Variants in FAT3 observed in about 807,000 individuals in gnomAD.
The protein encoded by FAT3 is FAT atypical cadherin 3, also known as protocadherin Fat 3.
A neutral mutation model predicts 310.2 loss-of-function variants in FAT3; 95 were observed. The ratio of observed to expected loss-of-function variants is 0.31; its 90% CI spans 0.26 to 0.36. The LOEUF (loss-of-function observed/expected upper bound fraction) is 0.36. Among genes scored for constraint, FAT3 ranks in the 10% least tolerant of loss-of-function variants. FAT3 has a pLI of 1.00. For missense variants in FAT3, 5,408 were observed against 5,715.6 expected (o/e 0.95, Z 1.74); for synonymous variants, 2,314 against 2,192.9 (o/e 1.06, Z -1.54).
chr11:92,848,115 A>G (rs1441058259), intron 19 of FAT3, among the ~76,000 whole-genome samples: 3 of 152,136 alleles, frequency 2.0e-5, no homozygotes, highest in Non-Finnish European at 4.4e-5. Flanking sequence ...GTATAGACAA[A>G]TTTGGCCTCA....
intron 4 of FAT3, among the ~76,000 whole-genome samples, chr11:92,755,704 T>G (rs1945973560): frequency 6.6e-6 from 1 of 152,224 alleles, no homozygotes; most frequent in Non-Finnish European, 1.5e-5. Flanking sequence ...TTCTGAAAAT[T>G]GAATCTATCA....
intron 3 of FAT3, among the ~76,000 whole-genome samples, chr11:92,577,390 G>A (rs576806730): frequency 2.2e-4 from 33 of 152,132 alleles, no homozygotes; most frequent in African/African-American, 7.7e-4. Flanking sequence ...TCACAGGTAT[G>A]AGCCACCACA....
intron 3 of FAT3, among the ~76,000 whole-genome samples, chr11:92,532,893 A>G (rs1249096925): frequency 1.3e-5 from 2 of 152,148 alleles, no homozygotes; most frequent in African/African-American, 4.8e-5. Flanking sequence ...AATCCTTGTG[A>G]CCTCAGGTAG....
At chr11:92,777,321 A>G (rs1331051518) in intron 7 of FAT3, among the ~76,000 whole-genome samples, 6 of 152,196 alleles carry the variant, frequency 3.9e-5, no homozygotes, top group Non-Finnish European at 8.8e-5. Flanking sequence ...GTGATTCTGT[A>G]TCTACATGAA....
intron 25 of FAT3, among the ~76,000 whole-genome samples, chr11:92,888,773 C>T (rs1949850736): frequency 1.3e-5 from 2 of 152,196 alleles, no homozygotes; most frequent in South Asian, 4.1e-4. Flanking sequence ...TTCAGAGCAG[C>T]ATGACTGACC....
chr11:92,363,846 C>T (rs1201419215), intron 2 of FAT3, among the ~76,000 whole-genome samples: 1 of 152,120 alleles, frequency 6.6e-6, no homozygotes, highest in African/African-American at 2.4e-5. Flanking sequence ...CTGAGGAGTC[C>T]TGAACACTCC....
intron 3 of FAT3, among the ~76,000 whole-genome samples, chr11:92,602,493 A>G (rs1410345996): frequency 6.6e-6 from 1 of 152,206 alleles, no homozygotes; most frequent in East Asian, 1.9e-4. Context: ...TCAAGATGAC[A>G]GATGATGAGA....
chr11:92,461,371 A>T (rs1002162541), intron 2 of FAT3, among the ~76,000 whole-genome samples: 1 of 152,196 alleles, frequency 6.6e-6, no homozygotes, highest in East Asian at 1.9e-4. Context: ...GGAAGTAATG[A>T]TAGACAAAAT....
rs750370328 is a variant in FAT3, at chr11:92,789,934, T to C, written c.4336-9T>C. 1 of 1,611,476 alleles carries C rather than the reference T, an allele frequency of 6.2e-7. No individual in the cohort carries two copies. Among genetic ancestry groups the C allele is most frequent in the South Asian group, 1.1e-5 (1 of 91,010 alleles). On this transcript the variant is annotated splice_polypyrimidine_tract_variant and intron_variant, in intron 7 of 27. Transcript: ENST00000525166. ...ATTAGTCATCATTCTTTTCTTCTTT[T>C]AACTACAGGTATTTATCAAAGTGCT...
At chr11:92,888,192 G>A (rs1949838767) in intron 25 of FAT3, among the ~76,000 whole-genome samples, 1 of 152,174 alleles carries the variant, frequency 6.6e-6, no homozygotes, top group South Asian at 2.1e-4. Flanking sequence ...GATGCCTTCA[G>A]TGTATCTATC....
chr11:92,799,510 C>A lies in FAT3; in HGVS notation c.6497C>A (p.Pro2166His), dbSNP rs772035910. 1.2e-6 allele frequency: 2 copies of A among 1,613,654 alleles called. No homozygotes were observed. Among genetic ancestry groups the A allele is most frequent in the Admixed American group, 1.7e-5 (1 of 59,996 alleles). Residue 2166 changes from proline to histidine, a missense_variant, in exon 10 of 28, where the codon CCT becomes CAT. By Grantham distance (77) the Pro-to-His change is moderately conservative. Around this residue, in one of 5 missense-constraint regions of FAT3, gnomAD observed 4,588 missense variants for 4,809.8 expected, o/e 0.95. Coordinates refer to ENST00000525166, the MANE Select transcript of FAT3 (RefSeq NM_001367949.2). ...ATCCTAGCCAAGGATGGCGGAAAACCTTCTTTGTCTACATCTGTGGAGCTT... is the reference window on the plus strand; with the variant it reads ...ATCCTAGCCAAGGATGGCGGAAAACATTCTTTGTCTACATCTGTGGAGCTT... ...VTILAKDGGK[P>H]SLSTSVELPI...
chr11:92,234,216 C>T (rs1040925360), intron 1 of FAT3, among the ~76,000 whole-genome samples: 1 of 152,162 alleles, frequency 6.6e-6, no homozygotes, highest in Non-Finnish European at 1.5e-5. Context: ...AACAATTTGT[C>T]TCTCTTACAT....
chr11:92,769,159 C>T (rs1202429348), intron 6 of FAT3, among the ~76,000 whole-genome samples: 1 of 152,194 alleles, frequency 6.6e-6, no homozygotes, highest in East Asian at 1.9e-4. Context: ...CACACACTTT[C>T]TTGTGCCTCC....
intron 25 of FAT3, among the ~76,000 whole-genome samples, chr11:92,888,488 G>T (rs1394133345): frequency 6.6e-6 from 1 of 152,168 alleles, no homozygotes; most frequent in Non-Finnish European, 1.5e-5. Flanking sequence ...CTTCCAAGTT[G>T]GTCCCAAATG....
intron 3 of FAT3, among the ~76,000 whole-genome samples, chr11:92,585,323 A>T (rs1939078884): frequency 6.6e-6 from 1 of 152,020 alleles, no homozygotes; most frequent in Admixed American, 6.6e-5. Context: ...ATCTTAAGGT[A>T]AAAAGATGAA....
chr11:92,642,105 G>A (rs1941986740), intron 3 of FAT3, among the ~76,000 whole-genome samples: 2 of 152,178 alleles, frequency 1.3e-5, no homozygotes, highest in Admixed American at 1.3e-4. Context: ...TGAAAAGGGG[G>A]GCTGTGGATC....
intron 3 of FAT3, among the ~76,000 whole-genome samples, chr11:92,543,907 A>C (rs1389066699): frequency 6.6e-6 from 1 of 152,182 alleles, no homozygotes; most frequent in Non-Finnish European, 1.5e-5. Context: ...GTCAGAGCAC[A>C]CTTCTGCTGA....
chr11:92,350,367 T>TC (rs1269992476), intron 1 of FAT3, among the ~76,000 whole-genome samples: 37 of 151,828 alleles, frequency 2.4e-4, no homozygotes, highest in African/African-American at 8.2e-4. Context: ...TTTTTTTTTT[T>TC]CAGTTTGCAG....
chr11:92,273,593 A>G (rs1383205180), intron 1 of FAT3, among the ~76,000 whole-genome samples: 1 of 152,116 alleles, frequency 6.6e-6, no homozygotes, highest in African/African-American at 2.4e-5. Flanking sequence ...GAAGCTGGCA[A>G]ATGAAGTTGT....
Sources: allele counts gnomAD v4.1 joint callset (sites outside exome capture counted in the v4.1 genomes callset), GRCh38; gene constraint gnomAD v4.1.1; regional missense constraint gnomAD v4.1.1; transcripts MANE v1.5; gene names NCBI Gene and HGNC (gene_info 2026-07-23, HGNC 2026-07-21).